SLCO5A1: variants seen among roughly 807,000 people sequenced by gnomAD.
SLCO5A1 encodes the protein organic anion transporter polypeptide-related protein 4.
SLCO5A1 carries 39 observed loss-of-function variants against 65.1 expected under a neutral mutation model. The observed-to-expected ratio is 0.60, with a 90% CI of 0.46 to 0.78. The LOEUF (loss-of-function observed/expected upper bound fraction) is 0.78. Ranked by LOEUF, SLCO5A1 falls within the 30% of genes least tolerant of loss-of-function variation. The pLI, the probability that SLCO5A1 is intolerant of heterozygous loss-of-function variation, is 0.00. For synonymous variants in SLCO5A1, 438 were observed against 415.7 expected, an observed-to-expected ratio of 1.05 and a Z score of -0.65; for missense variants, 1,029 against 1,069.4, an observed-to-expected ratio of 0.96 and a Z score of 0.53.
intron 2 of SLCO5A1, among the ~76,000 whole-genome samples, chr8:69,770,760 C>G (rs888484038): frequency 6.6e-6 from 1 of 152,170 alleles, no homozygotes; most frequent in Non-Finnish European, 1.5e-5. Flanking sequence ...ACTGCCCCCG[C>G]CAGTGTTTCC....
intron 5 of SLCO5A1, among the ~76,000 whole-genome samples, chr8:69,711,318 A>T (rs2959565): frequency 0.51 from 77,830 of 151,674 alleles, 20,407 homozygotes; most frequent in South Asian, 0.63. Context: ...GCCTCTCACC[A>T]CTGCGCACCT....
chr8:69,765,938 A>G (rs752175984), intron 2 of SLCO5A1, among the ~76,000 whole-genome samples: 13 of 152,108 alleles, frequency 8.5e-5, no homozygotes, highest in Admixed American at 2.6e-4. Flanking sequence ...TTTTTTGTCT[A>G]TTCTAGCAGC....
intron 5 of SLCO5A1, among the ~76,000 whole-genome samples, chr8:69,709,789 A>G (rs1269760331): frequency 3.3e-5 from 5 of 152,208 alleles, no homozygotes; most frequent in Non-Finnish European, 7.3e-5. Flanking sequence ...CGTGATGGGA[A>G]AGTGAAGTCG....
chr8:69,717,566 T>C (rs140149096), intron 5 of SLCO5A1, among the ~76,000 whole-genome samples: 3 of 152,364 alleles, frequency 2.0e-5, no homozygotes, highest in African/African-American at 7.2e-5. Flanking sequence ...AAGATTGTTT[T>C]GGCTATACTC....
intron 5 of SLCO5A1, among the ~76,000 whole-genome samples, chr8:69,737,343 C>G (rs11785641): frequency 0.066 from 10,050 of 152,158 alleles, 455 homozygotes; most frequent in Middle Eastern, 0.12. Context: ...ATAAATTAAG[C>G]CTTTAGGAAG....
At chr8:69,695,426 G>T (rs555472203) in intron 6 of SLCO5A1, among the ~76,000 whole-genome samples, 1 of 152,104 alleles carries the variant, frequency 6.6e-6, no homozygotes, top group Non-Finnish European at 1.5e-5. Flanking sequence ...AACCCAGGGG[G>T]CGGAGGTTGC....
At chr8:69,794,170 A>G in intron 2 of SLCO5A1, 1 of 318,066 alleles carries the variant, frequency 3.1e-6, no homozygotes, top group Non-Finnish European at 6.1e-6. Flanking sequence ...ATTACCATGG[A>G]TGAGAACTGA....
chr8:69,733,630 T>G (rs937086), intron 5 of SLCO5A1, among the ~76,000 whole-genome samples: 73,519 of 151,966 alleles, frequency 0.48, 18,202 homozygotes, highest in South Asian at 0.61. Context: ...GTGATCGTGG[T>G]GGTGGTTCCC....
At chr8:69,700,808 GTA>G (rs1814701177) in intron 6 of SLCO5A1, among the ~76,000 whole-genome samples, 1 of 151,448 alleles carries the variant, frequency 6.6e-6, no homozygotes, top group Non-Finnish European at 1.5e-5. Context: ...GTAACGGTGT[GTA>G]TGTGTGTGTA....
intron 2 of SLCO5A1, among the ~76,000 whole-genome samples, chr8:69,784,793 A>AAAAG (rs71521961): frequency 3.4e-4 from 42 of 123,644 alleles, no homozygotes; most frequent in African/African-American, 1.0e-3. Flanking sequence ...GTCTGAAAAA[A>AAAAG]AAAGAAAGAA....
At chr8:69,754,397 C>T (rs1210324729) in intron 4 of SLCO5A1, among the ~76,000 whole-genome samples, 3 of 152,156 alleles carry the variant, frequency 2.0e-5, no homozygotes, top group Non-Finnish European at 4.4e-5. Context: ...TAGGCCATAG[C>T]GACATGTCTG....
Position 69,667,932 on chromosome 8 carries a change from T to C in SLCO5A1, c.*4937A>G, listed in dbSNP as rs1306869543. The C allele has an allele frequency of 6.6e-6, 1 of 152,232 alleles. No individual in the cohort carries two copies. Among genetic ancestry groups the C allele is most frequent in the Non-Finnish European group, 1.5e-5 (1 of 68,032 alleles). 9.4% of individuals were successfully genotyped at this position (152,232 alleles called of 1,614,324 possible). A position where few individuals can be genotyped will look rare whatever the true frequency, so the allele number is the denominator to read the frequency against. On this transcript the variant is annotated 3_prime_UTR_variant, in exon 10 of 10. Transcript: ENST00000260126. Reference sequence around the variant, plus strand: ...TGGATGCTTGTTTTCTGGAAAATTCTTCAGATTTCCAAACACAAAGTACAT... The same window carrying C: ...TGGATGCTTGTTTTCTGGAAAATTCCTCAGATTTCCAAACACAAAGTACAT...
At chr8:69,746,205 AAT>A (rs1817022307) in intron 4 of SLCO5A1, among the ~76,000 whole-genome samples, 1 of 152,154 alleles carries the variant, frequency 6.6e-6, no homozygotes, top group Admixed American at 6.5e-5. Context: ...GTGATTGTCC[AAT>A]AAAGATATTT....
intron 4 of SLCO5A1, among the ~76,000 whole-genome samples, chr8:69,740,743 C>T (rs896574304): frequency 6.6e-6 from 1 of 152,056 alleles, no homozygotes; most frequent in Non-Finnish European, 1.5e-5. Flanking sequence ...AACAAGAAAG[C>T]AAAAATGTGC....
intron 6 of SLCO5A1, among the ~76,000 whole-genome samples, chr8:69,684,333 TAGG>T (rs1005524803): frequency 7.9e-5 from 12 of 151,996 alleles, no homozygotes; most frequent in Non-Finnish European, 1.8e-4. Context: ...CCTACTGAGG[TAGG>T]AGATCAGCGG....
At chr8:69,714,056 G>A (rs564800569) in intron 5 of SLCO5A1, among the ~76,000 whole-genome samples, 1 of 152,332 alleles carries the variant, frequency 6.6e-6, no homozygotes, top group South Asian at 2.1e-4. Flanking sequence ...AGCGCGATAA[G>A]TATACATTCT....
chr8:69,784,946 G>GAAAC lies in SLCO5A1; in HGVS notation c.908-23072_908-23071insGTTT, dbSNP rs1380732512. Among the ~76,000 whole-genome samples, 3 of 122,556 alleles carry GAAAC rather than the reference G, an allele frequency of 2.4e-5. No homozygotes were observed. In the Admixed American group the frequency reaches 2.6e-4, roughly 10 times the overall value. The allele number at this position is 122,556 out of a possible 152,430, so 80.4% of individuals were successfully genotyped here. ...AGAAAGAAAGAAAGAAAGAAAGAAAGAAAGAAGAAAGGAAGGAAGAAAGAA... is the reference window on the plus strand; with the variant it reads ...AGAAAGAAAGAAAGAAAGAAAGAAAGAAACAAAGAAGAAAGGAAGGAAGAAAGAA... On this transcript the variant is annotated intron_variant, in intron 2 of 9. Coordinates refer to ENST00000260126, the MANE Select transcript of SLCO5A1 (RefSeq NM_030958.3).
intron 5 of SLCO5A1, among the ~76,000 whole-genome samples, chr8:69,729,650 G>T (rs927155233): frequency 1.3e-5 from 2 of 152,078 alleles, no homozygotes; most frequent in African/African-American, 4.8e-5. Context: ...GGCCAAACAA[G>T]AAGCTGGTCA....
intron 7 of SLCO5A1, 67 bp from the exon 8 acceptor site, chr8:69,679,686 G>A (rs776677232): frequency 3.3e-5 from 52 of 1,573,634 alleles, no homozygotes; most frequent in Non-Finnish European, 4.1e-5. Context: ...AGAATATTAA[G>A]ACAAAGTTAA....
Sources: allele counts gnomAD v4.1 joint callset (sites outside exome capture counted in the v4.1 genomes callset), GRCh38; gene constraint gnomAD v4.1.1; transcripts MANE v1.5; gene names NCBI Gene and HGNC (gene_info 2026-07-23, HGNC 2026-07-21).